The following PMM2 variants were observed in gnomAD, a reference collection of about 807,000 sequenced individuals.
PMM2 encodes mannose-6-phosphate isomerase.
A neutral mutation model predicts 33.2 loss-of-function variants in PMM2; 35 were observed. That is an observed-to-expected ratio of 1.06 (90% CI 0.81 to 1.40). The LOEUF is 1.40. Among genes scored for constraint, PMM2 ranks in the 40% most tolerant of loss-of-function variants. PMM2 has a pLI of 0.00. For missense variants in PMM2, 386 were observed against 306.0 expected (o/e 1.26, Z -1.95); for synonymous variants, 153 against 114.7 (o/e 1.33, Z -2.13).
chr16:8,813,128 C>CACCT, intron 7 of PMM2, 22 bp downstream of exon 7: 1 of 1,411,326 alleles, frequency 7.1e-7, no homozygotes, highest in Non-Finnish European at 1.0e-6. Context: ...AGTGTTTGTG[C>CACCT]ACCTTCATTG....
chr16:8,842,494 A>C (rs1288645059), intron 7 of PMM2: 1 of 152,188 alleles, frequency 6.6e-6, no homozygotes, highest in African/African-American at 2.4e-5. Flanking sequence ...GCTGGGACTG[A>C]TGGGTGTCAG....
In PMM2 at chr16:8,801,499, A is replaced by T. The variant is rs8046046; in HGVS notation, c.67-300A>T. On this transcript the variant is annotated intron_variant, in intron 1 of 7. Coordinates refer to ENST00000268261, the MANE Select transcript of PMM2 (RefSeq NM_000303.3). ...TGGCCTGGGCAACATGGCAAAACTT[A>T]GTCTCTACAAAATATAAAAAAATTA... Among the ~76,000 whole-genome samples the T allele has an allele frequency of 0.9, 136,525 of 152,090 alleles. 61,642 individuals are homozygous for T. Among genetic ancestry groups the T allele is most frequent in the East Asian group, 0.98 (5,054 of 5,162 alleles).
At position 8,811,158 on chromosome 16, in the gene PMM2, G is replaced by C; in HGVS notation, c.427G>C (p.Glu143Gln). The change falls in exon 5 of 8, where the codon GAG becomes CAG. Residue 143 changes from glutamate (E) to glutamine (Q), a missense_variant. Coordinates refer to ENST00000268261, the MANE Select transcript of PMM2 (RefSeq NM_000303.3). The part of the protein sequence containing the change: ...GRSCSQEERI[E>Q]FYELDKKENI... Reference sequence around the variant, plus strand: ...AAGCTGCAGCCAAGAAGAACGCATTGAGTTCTACGAACTCGATAAAGTACG... The same window carrying C: ...AAGCTGCAGCCAAGAAGAACGCATTCAGTTCTACGAACTCGATAAAGTACG... The C allele has an allele frequency of 6.4e-7, 1 of 1,569,452 alleles. No homozygotes were observed. The highest frequency in any genetic ancestry group is 8.7e-7 in the Non-Finnish European group (1 of 1,152,562).
At chr16:8,829,414 T>C (rs1410546109) in intron 7 of PMM2, among the ~76,000 whole-genome samples, 1 of 152,244 alleles carries the variant, frequency 6.6e-6, no homozygotes, top group Non-Finnish European at 1.5e-5. Flanking sequence ...ACCATCCGTT[T>C]CTGTTTTATG....
intron 7 of PMM2, among the ~76,000 whole-genome samples, chr16:8,843,109 CAA>C (rs745499665): frequency 4.6e-5 from 7 of 152,136 alleles, no homozygotes; most frequent in Admixed American, 1.3e-4. Flanking sequence ...ATGAGTGCTT[CAA>C]AGAGTAATGT....
chr16:8,843,057 C>G (rs1250102839), intron 7 of PMM2, among the ~76,000 whole-genome samples: 1 of 152,088 alleles, frequency 6.6e-6, no homozygotes, highest in Non-Finnish European at 1.5e-5. Flanking sequence ...CTTAAAATAT[C>G]TCGGCCTAAT....
At chr16:8,837,753 G>A (rs957366704) in intron 7 of PMM2, among the ~76,000 whole-genome samples, 13 of 152,052 alleles carry the variant, frequency 8.5e-5, no homozygotes, top group African/African-American at 3.1e-4. Context: ...GGGACTTGCC[G>A]CTAAGGGTGA....
Position 8,847,746 on chromosome 16 carries a change from T to G in PMM2, c.662T>G (p.Phe221Cys). 1.2e-6 allele frequency: 2 copies of G among 1,613,236 alleles called. No homozygotes were observed. Among genetic ancestry groups the G allele is most frequent in the Non-Finnish European group, 1.7e-6 (2 of 1,179,644 alleles). ...TMPGGNDHEI[F>C]TDPRTMGYSV... Reference sequence around the variant, plus strand: ...CAGGGTGGCAATGACCATGAGATCTTCACAGACCCCAGAACCATGGGCTAC... The same window carrying G: ...CAGGGTGGCAATGACCATGAGATCTGCACAGACCCCAGAACCATGGGCTAC... Residue 221 changes from phenylalanine to cysteine, a missense_variant, in exon 8 of 8, where the codon TTC becomes TGC. Transcript: ENST00000268261.
At chr16:8,836,370 G>A (rs1457636628) in intron 7 of PMM2, among the ~76,000 whole-genome samples, 5 of 152,046 alleles carry the variant, frequency 3.3e-5, no homozygotes, top group South Asian at 4.1e-4. Flanking sequence ...CAGGTGAGTT[G>A]AACAGTCTGA....
intron 7 of PMM2, among the ~76,000 whole-genome samples, chr16:8,835,831 G>A (rs1037992212): frequency 6.6e-5 from 10 of 152,046 alleles, no homozygotes; most frequent in East Asian, 1.9e-4. Context: ...ATGATTGGTT[G>A]CCAAGGAGGG....
In PMM2 at chr16:8,849,055, G is replaced by A. The variant is rs921878011; in HGVS notation, c.*1230G>A. ...GCCTCCACTGGGCACTTGCCGACCT[G>A]AGTCTGGGGCCAGGGGAGCCCAGGC... On this transcript the variant is annotated 3_prime_UTR_variant, in exon 8 of 8. Transcript: ENST00000268261. The A allele has an allele frequency of 2.0e-5, 3 of 152,258 alleles. No individual in the cohort carries two copies. Among genetic ancestry groups the A allele is most frequent in the African/African-American group, 7.2e-5 (3 of 41,434 alleles). The allele number at this position is 152,258 out of a possible 1,614,324, so 9.4% of individuals were successfully genotyped here.
At chr16:8,832,667 C>T (rs1164983975) in intron 7 of PMM2, 1 of 985,350 alleles carries the variant, frequency 1.0e-6, no homozygotes, top group African/African-American at 1.7e-5. Context: ...ATTGCGTCCT[C>T]ACCCCGCACC....
chr16:8,842,357 A>T (rs2060896107), intron 7 of PMM2: 1 of 152,374 alleles, frequency 6.6e-6, no homozygotes, highest in East Asian at 1.9e-4. Context: ...ACAAAGAAGA[A>T]GGTCATCAAT....
chr16:8,846,086 C>CA (rs2060924016), intron 7 of PMM2, among the ~76,000 whole-genome samples: 1 of 152,208 alleles, frequency 6.6e-6, no homozygotes, highest in African/African-American at 2.4e-5. Context: ...GACAGGTTCC[C>CA]AAGTGGCTGG....
At chr16:8,806,671 C>T (rs922594902) in intron 4 of PMM2, 5 of 514,982 alleles carry the variant, frequency 9.7e-6, no homozygotes, top group South Asian at 2.1e-5. Flanking sequence ...AATTTAAATC[C>T]GAATCCCAGC....
At position 8,824,984 on chromosome 16, in the gene PMM2, A is replaced by G. The variant is rs142130350; in HGVS notation, c.639+11878A>G. ...ATAAAAATATTCTTCAAAAGAGAAA[A>G]CCAAATTTTATCTCGCATTAGTGCA... On this transcript the variant is annotated intron_variant, in intron 7 of 7. Coordinates refer to ENST00000268261, the MANE Select transcript of PMM2 (RefSeq NM_000303.3). 4.0e-3 allele frequency among the ~76,000 whole-genome samples: 604 copies of G among 152,344 alleles called. 5 individuals carry two copies. The highest frequency in any genetic ancestry group is 0.013 in the African/African-American group (560 of 41,582).
At chr16:8,831,991 T>C in intron 7 of PMM2, 1 of 277,292 alleles carries the variant, frequency 3.6e-6, no homozygotes, top group Non-Finnish European at 5.5e-6. Context: ...GTTCCCCAAC[T>C]AGAATCAAGT....
intron 7 of PMM2, among the ~76,000 whole-genome samples, chr16:8,843,719 G>A (rs2060905976): frequency 6.6e-6 from 1 of 152,216 alleles, no homozygotes; most frequent in African/African-American, 2.4e-5. Flanking sequence ...TCCTGTTGTG[G>A]AGTTTGAGGG....
intron 1 of PMM2, among the ~76,000 whole-genome samples, chr16:8,800,298 T>C (rs1596483200): frequency 6.7e-6 from 1 of 149,946 alleles, no homozygotes; most frequent in East Asian, 2.0e-4. Flanking sequence ...GAAGTGGAGG[T>C]TGCAATGAGC....
Sources: gnomAD v4.1 joint callset for allele counts (sites outside exome capture counted in the v4.1 genomes callset) on GRCh38, gnomAD v4.1.1 for gene constraint, MANE v1.5 for transcripts, NCBI Gene and HGNC (gene_info 2026-07-23, HGNC 2026-07-21) for gene names.